The following PPM1L variants were observed in gnomAD, a reference collection of about 807,000 sequenced individuals.
PPM1L encodes the protein protein phosphatase 1L.
A neutral mutation model predicts 31.4 loss-of-function variants in PPM1L; 13 were observed. The observed-to-expected ratio is 0.41, with a 90% CI of 0.27 to 0.66. The LOEUF (loss-of-function observed/expected upper bound fraction) is 0.66, where lower values mean the gene tolerates loss of function less well. Among genes scored for constraint, PPM1L ranks in the 30% least tolerant of loss-of-function variants. PPM1L has a pLI of 0.29. For synonymous variants in PPM1L, 184 were observed against 175.4 expected, an observed-to-expected ratio of 1.05 and a Z score of -0.39; for missense variants, 326 against 453.7, an observed-to-expected ratio of 0.72 and a Z score of 2.56.
At chr3:160,958,240 T>A (rs1715844603) in intron 1 of PPM1L, among the ~76,000 whole-genome samples, 1 of 152,214 alleles carries the variant, frequency 6.6e-6, no homozygotes, top group South Asian at 2.1e-4. Context: ...GCCATGCCTA[T>A]GTCCTGAATG....
chr3:160,959,228 A>G (rs2108105841), intron 1 of PPM1L, among the ~76,000 whole-genome samples: 1 of 152,122 alleles, frequency 6.6e-6, no homozygotes, highest in East Asian at 1.9e-4. Context: ...ATTCTCACTT[A>G]TAAGCGAGAG....
chr3:160,787,433 A>G (rs905535861), intron 1 of PPM1L, among the ~76,000 whole-genome samples: 4 of 152,142 alleles, frequency 2.6e-5, no homozygotes, highest in South Asian at 2.1e-4. Context: ...TCCTTTGCCC[A>G]TTTTTTGATG....
intron 1 of PPM1L, among the ~76,000 whole-genome samples, chr3:160,853,381 T>A (rs1187899648): frequency 6.6e-6 from 1 of 152,158 alleles, no homozygotes; most frequent in Non-Finnish European, 1.5e-5. Flanking sequence ...GAATATATCA[T>A]CATAATCTTT....
Position 160,946,863 on chromosome 3 carries a change from G to T in PPM1L, c.400-14873G>T, listed in dbSNP as rs533267893. 2.0e-5 allele frequency among the ~76,000 whole-genome samples: 3 copies of T among 152,264 alleles called. No individual in the cohort carries two copies. The East Asian group carries it at 5.8e-4, about 29-fold the overall frequency. On this transcript the variant is annotated intron_variant, in intron 1 of 3. Coordinates refer to ENST00000498165, the MANE Select transcript of PPM1L (RefSeq NM_139245.4). ...GATGAATGATTTGAAGTTAGTTGAT[G>T]CTTATCAATTGATGCTATTTTAGCC...
At chr3:161,039,337 A>G (rs1003806011) in intron 2 of PPM1L, among the ~76,000 whole-genome samples, 1 of 152,152 alleles carries the variant, frequency 6.6e-6, no homozygotes, top group African/African-American at 2.4e-5. Flanking sequence ...GACAATTCTG[A>G]GGACTCTCCT....
chr3:160,988,681 T>G (rs1199172098), intron 2 of PPM1L, among the ~76,000 whole-genome samples: 1 of 152,132 alleles, frequency 6.6e-6, no homozygotes, highest in Non-Finnish European at 1.5e-5. Context: ...ATGGAGAAGT[T>G]AAGTGATTTT....
intron 2 of PPM1L, among the ~76,000 whole-genome samples, chr3:161,017,924 G>A (rs1390266515): frequency 2.0e-5 from 3 of 151,980 alleles, no homozygotes; most frequent in Non-Finnish European, 4.4e-5. Context: ...TTACACTAGA[G>A]GTTCTAGAAA....
At chr3:160,778,741 A>G (rs1434561938) in intron 1 of PPM1L, among the ~76,000 whole-genome samples, 23 of 152,154 alleles carry the variant, frequency 1.5e-4, no homozygotes, top group Admixed American at 1.3e-3. Flanking sequence ...AAGTTGTCCA[A>G]TGTGTAGAGG....
At chr3:161,035,210 T>C (rs1292064797) in intron 2 of PPM1L, among the ~76,000 whole-genome samples, 1 of 139,982 alleles carries the variant, frequency 7.1e-6, no homozygotes, top group African/African-American at 2.6e-5. Flanking sequence ...AAAGTATAAT[T>C]AAAAAAAAAA....
intron 2 of PPM1L, among the ~76,000 whole-genome samples, chr3:161,038,079 G>A (rs1718798152): frequency 6.6e-6 from 1 of 151,358 alleles, no homozygotes; most frequent in Non-Finnish European, 1.5e-5. Flanking sequence ...TAAAAAATAC[G>A]AAAAATTAGC....
At chr3:160,946,691 G>A (rs1258191751) in intron 1 of PPM1L, among the ~76,000 whole-genome samples, 3 of 152,102 alleles carry the variant, frequency 2.0e-5, no homozygotes, top group African/African-American at 4.8e-5. Flanking sequence ...AACAAGGTGG[G>A]ATTTGGAGTG....
At chr3:160,920,970 GT>G (rs745942634) in intron 1 of PPM1L, among the ~76,000 whole-genome samples, 4 of 152,022 alleles carry the variant, frequency 2.6e-5, no homozygotes, top group Non-Finnish European at 4.4e-5. Context: ...TTTTTATTCA[GT>G]TTTCTCGGTA....
chr3:160,756,405 T>C lies in PPM1L; in HGVS notation c.97T>C (p.Leu33=), dbSNP rs771953845. Residue 33 remains leucine, a synonymous_variant, in exon 1 of 4, where the codon TTG becomes CTG. Transcript: ENST00000498165. The surrounding 1 kb of genome is among the most constrained non-coding windows in gnomAD (Gnocchi z 6.2). ...PETLFLLCIS[L]ALWSYFFHTD... is the part of the protein sequence containing the mutation. ...GACGCTTTTCCTGCTGTGCATCAGC[T>C]TGGCTCTATGGAGTTACTTCTTCCA... The C allele has an allele frequency of 6.2e-7, 1 of 1,614,218 alleles. No homozygotes were observed. Among genetic ancestry groups the C allele is most frequent in the Non-Finnish European group, 8.5e-7 (1 of 1,180,036 alleles).
rs189380890 is a variant in PPM1L, at chr3:160,913,907, A to T, written c.400-47829A>T. ...TATCTTTGAGTACTCAAATATGTACATCTGAGTAGAAATATGTTTTCATTT... is the reference window on the plus strand; with the variant it reads ...TATCTTTGAGTACTCAAATATGTACTTCTGAGTAGAAATATGTTTTCATTT... On this transcript the variant is annotated intron_variant, in intron 1 of 3. Transcript: ENST00000498165. Among the ~76,000 whole-genome samples, 22 of 152,328 alleles carry T rather than the reference A, an allele frequency of 1.4e-4. No individual in the cohort carries two copies. In the East Asian group the frequency reaches 4.2e-3, roughly 29 times the overall value.
At chr3:161,043,506 G>C (rs548076386) in intron 2 of PPM1L, among the ~76,000 whole-genome samples, 1 of 152,096 alleles carries the variant, frequency 6.6e-6, no homozygotes, top group African/African-American at 2.4e-5. Context: ...TTTAAGTTTC[G>C]TTTAGCAGAT....
At chr3:160,896,858 G>A (rs908954374) in intron 1 of PPM1L, among the ~76,000 whole-genome samples, 10 of 152,038 alleles carry the variant, frequency 6.6e-5, no homozygotes, top group Admixed American at 3.9e-4. Context: ...GAAAATTTTA[G>A]ATAATCAGAT....
At chr3:160,903,204 A>G (rs866309858) in intron 1 of PPM1L, among the ~76,000 whole-genome samples, 1,385 of 56,588 alleles carry the variant, frequency 0.024, 2 homozygotes, top group African/African-American at 0.042. Context: ...GTATGTGTGT[A>G]TGTTTGTGTG....
intron 1 of PPM1L, among the ~76,000 whole-genome samples, chr3:160,905,903 A>G (rs1387389875): frequency 6.6e-6 from 1 of 152,058 alleles, no homozygotes; most frequent in Non-Finnish European, 1.5e-5. Context: ...AATGCTTTAC[A>G]TTTTAATTGC....
rs115199733 is a variant in PPM1L at position 160,949,511 on chromosome 3, G to A, written c.400-12225G>A. On this transcript the variant is annotated intron_variant, in intron 1 of 3. Coordinates refer to ENST00000498165, the MANE Select transcript of PPM1L (RefSeq NM_139245.4). ...CATTTATATGATTTATGGCAGAAGA[G>A]AGGCAAATGTCAGAGTGATAGGAAG... Among the ~76,000 whole-genome samples, 505 of 152,284 alleles carry A rather than the reference G, an allele frequency of 3.3e-3. 3 individuals are homozygous for A. Among genetic ancestry groups the A allele is most frequent in the African/African-American group, 0.011 (473 of 41,556 alleles).
Sources: gnomAD v4.1 joint callset for allele counts (sites outside exome capture counted in the v4.1 genomes callset) on GRCh38, gnomAD v4.1.1 for gene constraint, Gnocchi (gnomAD v3.1) non-coding constraint, MANE v1.5 for transcripts, NCBI Gene and HGNC (gene_info 2026-07-23, HGNC 2026-07-21) for gene names.